The following EXOC4 variants were observed in gnomAD, a reference collection of about 807,000 sequenced individuals.
The protein encoded by EXOC4 is exocyst complex component 4.
In EXOC4, 71 loss-of-function variants were observed where a neutral mutation model predicts 107.2. The observed-to-expected ratio is 0.66, with a 90% CI of 0.55 to 0.81. The LOEUF (loss-of-function observed/expected upper bound fraction) is 0.81. Ranked by LOEUF, EXOC4 falls within the 30% of genes least tolerant of loss-of-function variation. The probability of loss-of-function intolerance (pLI) is 0.00; values close to 1 mark genes in which losing one functional copy is unlikely to be tolerated. For missense variants in EXOC4, 1,108 were observed against 1,189.6 expected (o/e 0.93, Z 1.01); for synonymous variants, 456 against 441.2 (o/e 1.03, Z -0.42).
At chr7:133,435,559 C>A (rs1018328233) in intron 7 of EXOC4, among the ~76,000 whole-genome samples, 2 of 152,134 alleles carry the variant, frequency 1.3e-5, no homozygotes, top group Non-Finnish European at 2.9e-5. Flanking sequence ...GACATTTTGC[C>A]CCTGGAAATG....
At chr7:133,729,724 G>T (rs1795286685) in intron 10 of EXOC4, among the ~76,000 whole-genome samples, 1 of 152,014 alleles carries the variant, frequency 6.6e-6, no homozygotes, top group African/African-American at 2.4e-5. Flanking sequence ...TTCTTTTAGA[G>T]TATTTTTCAA....
At chr7:133,803,755 T>A (rs1164431843) in intron 10 of EXOC4, among the ~76,000 whole-genome samples, 2 of 152,182 alleles carry the variant, frequency 1.3e-5, no homozygotes, top group Admixed American at 6.5e-5. Context: ...GCAGAATTTT[T>A]AACTCTGATT....
downstream of EXOC4, among the ~76,000 whole-genome samples, chr7:134,069,622 C>T (rs890101303): frequency 2.6e-5 from 4 of 152,124 alleles, no homozygotes; most frequent in Non-Finnish European, 5.9e-5. Flanking sequence ...CTCTGCCTCT[C>T]AAGTAGCTGG....
intron 9 of EXOC4, among the ~76,000 whole-genome samples, chr7:133,571,527 A>G (rs1801023132): frequency 6.6e-6 from 1 of 152,024 alleles, no homozygotes; most frequent in Admixed American, 6.6e-5. Flanking sequence ...AAACTTAGCC[A>G]GGCATGGTGT....
intron 17 of EXOC4, among the ~76,000 whole-genome samples, chr7:134,013,223 A>G (rs914685774): frequency 2.6e-5 from 4 of 152,196 alleles, no homozygotes; most frequent in Non-Finnish European, 5.9e-5. Flanking sequence ...TGCATAAATC[A>G]TGTTGACAGT....
intron 10 of EXOC4, among the ~76,000 whole-genome samples, chr7:133,783,145 G>A (rs1289187034): frequency 6.6e-6 from 1 of 152,104 alleles, no homozygotes; most frequent in Non-Finnish European, 1.5e-5. Flanking sequence ...ATTTTTTAAG[G>A]AACCATTTAC....
At chr7:133,942,264 G>A (rs1800448088) in intron 14 of EXOC4, among the ~76,000 whole-genome samples, 1 of 151,600 alleles carries the variant, frequency 6.6e-6, no homozygotes, top group African/African-American at 2.4e-5. Flanking sequence ...TACCATCTAG[G>A]AAGTCTTTTT....
chr7:133,507,923 T>C (rs1476133398), intron 9 of EXOC4, among the ~76,000 whole-genome samples: 4 of 152,018 alleles, frequency 2.6e-5, no homozygotes, highest in Non-Finnish European at 5.9e-5. Context: ...TAACTGGGCA[T>C]GGTAGTGCAT....
intron 12 of EXOC4, among the ~76,000 whole-genome samples, chr7:133,902,877 A>AG (rs398111910): frequency 8.8e-4 from 134 of 152,164 alleles, no homozygotes; most frequent in African/African-American, 3.1e-3. Flanking sequence ...AAAAAAAAAA[A>AG]GAATTTTCGA....
chr7:133,378,338 C>A (rs1796536365), intron 7 of EXOC4, among the ~76,000 whole-genome samples: 1 of 137,904 alleles, frequency 7.3e-6, no homozygotes, highest in Admixed American at 7.1e-5. Flanking sequence ...GTTTTTCAGG[C>A]TGAAGGAAAA....
chr7:133,974,069 C>G lies in EXOC4; in HGVS notation c.2207-23423C>G, dbSNP rs140829628. 1.4e-4 allele frequency among the ~76,000 whole-genome samples: 21 copies of G among 152,286 alleles called. No homozygotes were observed. In the East Asian group the frequency reaches 4.1e-3, roughly 29 times the overall value. On this transcript the variant is annotated intron_variant, in intron 14 of 17. Transcript: ENST00000253861. ...TCAGGCCTAGTCACCTCTTTAAGGT[C>G]CCACCTCTTAACATTGTTGCATTGG...
rs753478946 is a variant in EXOC4 at position 134,064,534 on chromosome 7, C to T, written c.*6C>T. 26 of 1,556,050 alleles carry T rather than the reference C, an allele frequency of 1.7e-5. No homozygotes were observed. Among genetic ancestry groups the T allele is most frequent in the East Asian group, 2.3e-5 (1 of 42,762 alleles). ...AGAAGATAACTACCGTTTAGCAGGG[C>T]GTACTGCGGTTGGTGACGGGGGTCC... On this transcript the variant is annotated 3_prime_UTR_variant, in exon 18 of 18. Coordinates refer to ENST00000253861, the MANE Select transcript of EXOC4 (RefSeq NM_021807.4).
chr7:133,317,454 G>A (rs1795016516), intron 5 of EXOC4, 64 bp downstream of exon 5: 1 of 1,191,998 alleles, frequency 8.4e-7, no homozygotes, highest in Admixed American at 1.8e-5. Context: ...GTAGATATCT[G>A]GAGGAGCTTT....
chr7:133,499,846 G>C (rs1171087445), intron 9 of EXOC4, among the ~76,000 whole-genome samples: 4 of 152,178 alleles, frequency 2.6e-5, no homozygotes, highest in Non-Finnish European at 4.4e-5. Flanking sequence ...GGCCTTCCCA[G>C]AAGCAGAAGC....
At chr7:133,639,825 T>C (rs1009225644) in intron 10 of EXOC4, among the ~76,000 whole-genome samples, 15 of 152,086 alleles carry the variant, frequency 9.9e-5, no homozygotes, top group Non-Finnish European at 2.2e-4. Context: ...ATGAGCATTC[T>C]TCAAAGTCCA....
chr7:133,797,195 T>A (rs1050052053), intron 10 of EXOC4, among the ~76,000 whole-genome samples: 82 of 152,188 alleles, frequency 5.4e-4, no homozygotes, highest in African/African-American at 2.0e-3. Flanking sequence ...AAAACACAGT[T>A]TGCATAAAGA....
chr7:133,586,923 C>T (rs1394842663), intron 9 of EXOC4, among the ~76,000 whole-genome samples: 2 of 151,976 alleles, frequency 1.3e-5, no homozygotes, highest in Non-Finnish European at 1.5e-5. Context: ...CTCTGCCTCC[C>T]GGGTTCAAGT....
At position 133,681,111 on chromosome 7, in the gene EXOC4, C is replaced by T. The variant is rs1455932117; in HGVS notation, c.1514+50970C>T. On this transcript the variant is annotated intron_variant, in intron 10 of 17. Transcript: ENST00000253861. ...TGTGTTTTGACTTAAAAAAATCAAT[C>T]TCTGAGAAAATGGGCTTCCATCTTC... is the stretch of plus-strand genomic sequence containing the variant. Among the ~76,000 whole-genome samples the T allele has an allele frequency of 2.6e-5, 4 of 152,304 alleles. No homozygotes were observed. The East Asian group carries it at 7.7e-4, about 29-fold the overall frequency.
At chr7:133,381,965 T>C (rs771829819) in intron 7 of EXOC4, among the ~76,000 whole-genome samples, 1 of 152,108 alleles carries the variant, frequency 6.6e-6, no homozygotes, top group Non-Finnish European at 1.5e-5. Context: ...AAACAAGAAC[T>C]CTGGGGGCGG....
Sources: gnomAD v4.1 joint callset for allele counts (sites outside exome capture counted in the v4.1 genomes callset) on GRCh38, gnomAD v4.1.1 for gene constraint, MANE v1.5 for transcripts, NCBI Gene and HGNC (gene_info 2026-07-23, HGNC 2026-07-21) for gene names.